The following SPAG1 variants were observed in gnomAD, a reference collection of about 807,000 sequenced individuals.
SPAG1 encodes sperm associated antigen 1, also known as sperm-associated antigen 1.
SPAG1 carries 69 observed loss-of-function variants against 100.5 expected under a neutral mutation model. The observed-to-expected ratio is 0.69, with a 90% confidence interval of 0.57 to 0.84. The LOEUF (loss-of-function observed/expected upper bound fraction) is 0.84. SPAG1 is among the 40% of genes least tolerant of loss of function. The probability of loss-of-function intolerance (pLI) is 0.00; values close to 1 mark genes in which losing one functional copy is unlikely to be tolerated. For missense variants in SPAG1, 955 were observed against 1,133.1 expected, an observed-to-expected ratio of 0.84 and a Z score of 2.26; for synonymous variants, 336 against 411.6, an observed-to-expected ratio of 0.82 and a Z score of 2.22.
At chr8:100,193,564 A>C (rs1024375160) in intron 9 of SPAG1, among the ~76,000 whole-genome samples, 8 of 152,230 alleles carry the variant, frequency 5.3e-5, no homozygotes, top group African/African-American at 1.9e-4. Context: ...AAAGGATGAT[A>C]TATCTATTTT....
At chr8:100,237,588 AGTCT>A (rs1371106395) in intron 16 of SPAG1, among the ~76,000 whole-genome samples, 3 of 152,134 alleles carry the variant, frequency 2.0e-5, no homozygotes, top group African/African-American at 4.8e-5. Context: ...GTAAAACTTA[AGTCT>A]GTCTTTCTTT....
chr8:100,218,895 AGT>A (rs535295746), intron 12 of SPAG1, among the ~76,000 whole-genome samples: 118 of 152,292 alleles, frequency 7.7e-4, no homozygotes, highest in African/African-American at 2.7e-3. Context: ...CGGTAGGCAG[AGT>A]GTAGGCTTTT....
At chr8:100,237,776 T>C (rs1446653873) in intron 16 of SPAG1, among the ~76,000 whole-genome samples, 1 of 152,132 alleles carries the variant, frequency 6.6e-6, no homozygotes, top group Non-Finnish European at 1.5e-5. Context: ...TCAACATGCA[T>C]TTCTTGTTTT....
At chr8:100,240,799 A>C in intron 18 of SPAG1, 28 bp downstream of exon 18, 2 of 1,566,976 alleles carry the variant, frequency 1.3e-6, no homozygotes, top group Non-Finnish European at 1.7e-6. Flanking sequence ...TTATTAGTAG[A>C]AATTGGTTTT....
At position 100,194,220 on chromosome 8, in the gene SPAG1, G is replaced by A. The variant is rs1816932111; in HGVS notation, c.1048G>A (p.Glu350Lys). 6.2e-7 allele frequency: 1 copy of A among 1,606,008 alleles called. No homozygotes were observed. Residue 350 changes from glutamate to lysine, a missense_variant, in exon 10 of 19, where the codon GAA becomes AAA. By Grantham distance (56) the Glu-to-Lys change is moderately conservative (BLOSUM62 1). Coordinates refer to ENST00000388798, the MANE Select transcript of SPAG1 (RefSeq NM_003114.5). ...VIQEIENSED[E>K]EGKSGRKHED... The stretch of plus-strand genomic sequence containing the variant: ...TCAGGAAATAGAAAACTCCGAAGAT[G>A]AAGAAGGAAAAAGCGGAAGAAAACA...
intron 1 of SPAG1, among the ~76,000 whole-genome samples, chr8:100,161,584 C>A (rs1301433961): frequency 1.3e-5 from 2 of 151,940 alleles, no homozygotes; most frequent in East Asian, 3.9e-4. Context: ...TTTTAATGAC[C>A]CACTTAGGAT....
Position 100,213,125 on chromosome 8 carries a change from C to T in SPAG1, c.1132C>T (p.Gln378Ter). 2 of 1,484,780 alleles carry T rather than the reference C, an allele frequency of 1.3e-6. No individual in the cohort carries two copies. Among genetic ancestry groups the T allele is most frequent in the Admixed American group, 2.3e-5 (1 of 43,430 alleles). 92.0% of individuals were successfully genotyped at this position (1,484,780 alleles called of 1,614,324 possible). A position where few individuals can be genotyped will look rare whatever the true frequency, so the allele number is the denominator to read the frequency against. ...AEPAGAARAA[Q>*]PCVMGNIQKK... ...GCCGGCGGGAGCCGCGCGCGCCGCC[C>T]AGCCGTGCGTCATGGGCAACATCCA... The change falls in exon 11 of 19, where the codon CAG (glutamine) becomes TAG (stop). Residue 378 changes from glutamine to a stop codon, truncating the protein, a stop_gained. Coordinates refer to ENST00000388798, the MANE Select transcript of SPAG1 (RefSeq NM_003114.5). LOFTEE classifies it high-confidence loss of function.
Position 100,213,150 on chromosome 8 carries a change from A to C in SPAG1, c.1157A>C (p.Gln386Pro), listed in dbSNP as rs1165763846. Residue 386 changes from glutamine (Q) to proline (P), a missense_variant, in exon 11 of 19, where the codon CAG becomes CCG. Coordinates refer to ENST00000388798, the MANE Select transcript of SPAG1 (RefSeq NM_003114.5). ...CAGCCGTGCGTCATGGGCAACATCC[A>C]GAAGAAGCTGACTGGCAAAGCCGAA... ...AAQPCVMGNI[Q>P]KKLTGKAEGG... The C allele has an allele frequency of 6.8e-7, 1 of 1,481,432 alleles. No individual in the cohort carries two copies. The highest frequency in any genetic ancestry group is 8.9e-7 in the Non-Finnish European group (1 of 1,122,762). The allele number at this position is 1,481,432 out of a possible 1,614,324, so 91.8% of individuals were successfully genotyped here. A position where few individuals can be genotyped will look rare whatever the true frequency, so the allele number is the denominator to read the frequency against.
In SPAG1 at chr8:100,227,925, C is replaced by T. The variant is rs1818590138; in HGVS notation, c.1855+2586C>T. On this transcript the variant is annotated intron_variant, in intron 14 of 18. Coordinates refer to ENST00000388798, the MANE Select transcript of SPAG1 (RefSeq NM_003114.5). ...GCAGTGGTGCAATTTTGGCTCACTG[C>T]TGCCTCGACCTCCTGGGTTCAGGCA... Among the ~76,000 whole-genome samples the T allele has an allele frequency of 2.1e-5, 3 of 141,462 alleles. No individual in the cohort carries two copies. In the South Asian group the frequency reaches 6.6e-4, roughly 31 times the overall value. 92.8% of individuals were successfully genotyped at this position (141,462 alleles called of 152,430 possible).
At chr8:100,185,905 T>G (rs1816565033) in intron 7 of SPAG1, among the ~76,000 whole-genome samples, 1 of 152,162 alleles carries the variant, frequency 6.6e-6, no homozygotes, top group Non-Finnish European at 1.5e-5. Context: ...CTGTTCTTTC[T>G]TTTCTTGTAG....
At position 100,217,472 on chromosome 8, in the gene SPAG1, G is replaced by T. The variant is rs867220863; in HGVS notation, c.1536-2807G>T. Among the ~76,000 whole-genome samples the T allele has an allele frequency of 3.9e-5, 6 of 152,136 alleles. No individual in the cohort carries two copies. The South Asian group carries it at 8.3e-4, about 21-fold the overall frequency. On this transcript the variant is annotated intron_variant, in intron 12 of 18. Transcript: ENST00000388798. ...GGAGTGCAGAGTTGGGGTTGGGGGG[G>T]TGTTGAAGATCTTGAAGGTCTCTAA... is the stretch of plus-strand genomic sequence containing the variant.
At chr8:100,170,791 C>T (rs1048437726) in intron 3 of SPAG1, among the ~76,000 whole-genome samples, 12 of 149,880 alleles carry the variant, frequency 8.0e-5, no homozygotes, top group Middle Eastern at 3.4e-3. Context: ...TGCTTCTTTT[C>T]CAGTCTGCCA....
At chr8:100,164,462 T>A (rs917845536) in intron 2 of SPAG1, among the ~76,000 whole-genome samples, 1 of 152,248 alleles carries the variant, frequency 6.6e-6, no homozygotes, top group East Asian at 1.9e-4. Flanking sequence ...TCTCACTCTG[T>A]CACCCAGGCT....
intron 16 of SPAG1, among the ~76,000 whole-genome samples, chr8:100,234,795 A>C (rs1340535568): frequency 6.6e-6 from 1 of 152,198 alleles, no homozygotes; most frequent in African/African-American, 2.4e-5. Context: ...GGAGATGGTC[A>C]GATCCTGAGG....
At chr8:100,172,961 G>A (rs886846412) in intron 3 of SPAG1, among the ~76,000 whole-genome samples, 3 of 150,414 alleles carry the variant, frequency 2.0e-5, no homozygotes, top group Non-Finnish European at 4.4e-5. Context: ...TTTTCAGGAT[G>A]CAGACAGCTT....
rs1366578201 is a variant in SPAG1, at chr8:100,213,411, C to A, written c.1418C>A (p.Ala473Glu). ...EAAGKYSAAI[A>E]LLEPAGSEIA... Reference sequence around the variant, plus strand: ...GCCGGCAAGTACTCGGCGGCAATCGCGCTCCTGGAGCCAGCAGGTAGGTGC... The same window carrying A: ...GCCGGCAAGTACTCGGCGGCAATCGAGCTCCTGGAGCCAGCAGGTAGGTGC... The change falls in exon 11 of 19, where the codon GCG (alanine) becomes GAG (glutamate). Residue 473 changes from alanine to glutamate, a missense_variant. Coordinates refer to ENST00000388798, the MANE Select transcript of SPAG1 (RefSeq NM_003114.5). 2 of 1,433,638 alleles carry A rather than the reference C, an allele frequency of 1.4e-6. No individual in the cohort carries two copies. The highest frequency in any genetic ancestry group is 2.7e-5 in the Admixed American group (1 of 36,708). 88.8% of individuals were successfully genotyped at this position (1,433,638 alleles called of 1,614,324 possible).
At chr8:100,215,615 C>T (rs1422264747) in intron 12 of SPAG1, among the ~76,000 whole-genome samples, 1 of 152,246 alleles carries the variant, frequency 6.6e-6, no homozygotes, top group East Asian at 1.9e-4. Flanking sequence ...AGCTCCGCCT[C>T]CTGGGTTCAC....
At chr8:100,179,356 C>A (rs1327271734) in intron 4 of SPAG1, among the ~76,000 whole-genome samples, 1 of 152,142 alleles carries the variant, frequency 6.6e-6, no homozygotes, top group African/African-American at 2.4e-5. Context: ...GTACTCCAGC[C>A]TGGGGGAAAG....
chr8:100,159,255 A>G (rs964156263), intron 1 of SPAG1, among the ~76,000 whole-genome samples: 1 of 152,222 alleles, frequency 6.6e-6, no homozygotes, highest in South Asian at 2.1e-4. Flanking sequence ...CGAGTTCTTC[A>G]TCTTGCTTTC....
Sources: allele counts gnomAD v4.1 joint callset (sites outside exome capture counted in the v4.1 genomes callset), GRCh38; gene constraint gnomAD v4.1.1; transcripts MANE v1.5; gene names NCBI Gene and HGNC (gene_info 2026-07-23, HGNC 2026-07-21).